The following SELENOO variants were observed in gnomAD, a reference collection of about 807,000 sequenced individuals.
The protein encoded by SELENOO is protein adenylyltransferase SelO, mitochondrial.
A neutral mutation model predicts 58.7 loss-of-function variants in SELENOO; 74 were observed. The observed-to-expected ratio is 1.26, with a 90% CI of 1.04 to 1.53. The LOEUF is 1.53. SELENOO is among the 40% of genes most tolerant of loss of function. The pLI is 0.00. For synonymous variants in SELENOO, 543 were observed against 453.2 expected, an observed-to-expected ratio of 1.20 and a Z score of -2.52; for missense variants, 1,149 against 970.0, an observed-to-expected ratio of 1.18 and a Z score of -2.45.
chr22:50,208,458 A>G (rs1259543126), intron 2 of SELENOO, 78 bp from the exon 3 acceptor site: 1 of 1,367,804 alleles, frequency 7.3e-7, no homozygotes, highest in East Asian at 2.4e-5. Flanking sequence ...AGCCACAACA[A>G]CGTCTTTTCC....
Position 50,201,332 on chromosome 22 carries a change from C to T in SELENOO, c.296C>T (p.Ser99Leu). The T allele has an allele frequency of 2.6e-6, 3 of 1,160,408 alleles. No individual in the cohort carries two copies. Among genetic ancestry groups the T allele is most frequent in the Non-Finnish European group, 1.1e-6 (1 of 944,232 alleles). 71.9% of individuals were successfully genotyped at this position (1,160,408 alleles called of 1,614,324 possible). The change falls in exon 1 of 9, where the codon TCA becomes TTA. Residue 99 changes from serine to leucine, a missense_variant. By Grantham distance (145) the Ser-to-Leu change is moderately radical. Transcript: ENST00000380903. ...PLRQPRLVAL[S>L]EPALALLGLG... ...CGGCAGCCGCGCCTCGTGGCGCTGT[C>T]AGAGCCCGCGCTGGCGTTGCTGGGC...
At position 50,216,709 on chromosome 22, in the gene SELENOO, G is replaced by A. The variant is rs756433093; in HGVS notation, c.1521G>A (p.Leu507=). 4 of 1,596,838 alleles carry A rather than the reference G, an allele frequency of 2.5e-6. No homozygotes were observed. Among genetic ancestry groups the A allele is most frequent in the African/African-American group, 1.3e-5 (1 of 74,692 alleles). Residue 507 remains leucine, a synonymous_variant, in exon 7 of 9, where the codon CTG becomes CTA. Coordinates refer to ENST00000380903, the MANE Select transcript of SELENOO (RefSeq NM_031454.2). The part of the protein sequence containing the change: ...QMDPRQLSMM[L]MLAQSNPQLF... ...TCCACAGGCAGCTATCCATGATGCT[G>A]ATGCTGGCGCAGTCAAACCCGCAGC... is the stretch of plus-strand genomic sequence containing the variant.
Position 50,217,286 on chromosome 22 carries a change from G to A in SELENOO, c.1927G>A (p.Asp643Asn), listed in dbSNP as rs745548963. ...CACAGACGCCGAGGCCACGGAAGCC[G>A]ACGGGGCGGACGGCAGGCAGCGCTC... Reference protein sequence around the residue: ...AATDAEATEADGADGRQRSYS... With the variant: ...AATDAEATEANGADGRQRSYS... The change falls in exon 9 of 9, where the codon GAC (aspartate) becomes AAC (asparagine). Residue 643 changes from aspartate (D) to asparagine (N), a missense_variant. Transcript: ENST00000380903. The A allele has an allele frequency of 1.2e-5, 19 of 1,612,490 alleles. No individual in the cohort carries two copies. Among genetic ancestry groups the A allele is most frequent in the African/African-American group, 1.1e-4 (8 of 74,916 alleles).
chr22:50,215,032 A>G (rs1044518254), intron 5 of SELENOO, among the ~76,000 whole-genome samples: 3 of 152,008 alleles, frequency 2.0e-5, no homozygotes, highest in African/African-American at 7.2e-5. Flanking sequence ...CTCCCTTGCT[A>G]CCTTTGTGTG....
chr22:50,206,679 G>C (rs2064335167), intron 2 of SELENOO, among the ~76,000 whole-genome samples, 159 bp downstream of exon 2: 1 of 152,332 alleles, frequency 6.6e-6, no homozygotes, highest in African/African-American at 2.4e-5. Flanking sequence ...GAAGCTGCCT[G>C]TCCGCGAAGT....
In SELENOO at chr22:50,210,233, G is replaced by A. The variant is rs1200627383; in HGVS notation, c.992G>A (p.Cys331Tyr). Reference protein sequence around the residue: ...MVAEWQCVGFCHGVLNTDNMS... With the variant: ...MVAEWQCVGFYHGVLNTDNMS... ...GCCGAGTGGCAGTGTGTGGGCTTCT[G>A]CCACGGCGTGCTCAACACCGACAAC... The change falls in exon 4 of 9, where the codon TGC becomes TAC. Residue 331 changes from cysteine to tyrosine, a missense_variant. Transcript: ENST00000380903. The A allele has an allele frequency of 6.2e-7, 1 of 1,613,430 alleles. No homozygotes were observed. Among genetic ancestry groups the A allele is most frequent in the East Asian group, 2.2e-5 (1 of 44,872 alleles).
chr22:50,217,161 AGG>A (rs548092332), intron 8 of SELENOO, 33 bp downstream of exon 8: 1 of 1,610,862 alleles, frequency 6.2e-7, no homozygotes, highest in Non-Finnish European at 8.5e-7. Context: ...GGTCCCTGGG[AGG>A]GGGGTCGGCC....
intron 1 of SELENOO, among the ~76,000 whole-genome samples, chr22:50,202,612 C>CT (rs1380990256): frequency 2.6e-5 from 4 of 151,814 alleles, no homozygotes; most frequent in Non-Finnish European, 5.9e-5. Flanking sequence ...TCATCTTAAA[C>CT]TTTATGTTTT....
Position 50,201,782 on chromosome 22 carries a change from C to T in SELENOO, c.554+192C>T, listed in dbSNP as rs1484049611. ...CCCGCCGAGGACCTTGGAGTCAGCTCCACCAGGGACGCCGCTCATGTTTAC... is the reference window on the plus strand; with the variant it reads ...CCCGCCGAGGACCTTGGAGTCAGCTTCACCAGGGACGCCGCTCATGTTTAC... On this transcript the variant is annotated intron_variant, in intron 1 of 8. Coordinates refer to ENST00000380903, the MANE Select transcript of SELENOO (RefSeq NM_031454.2). Among the ~76,000 whole-genome samples the T allele has an allele frequency of 7.7e-4, 118 of 152,266 alleles. 3 individuals are homozygous for T. The highest frequency in any genetic ancestry group is 7.7e-3 in the Admixed American group (117 of 15,290).
At position 50,210,757 on chromosome 22, in the gene SELENOO, G is replaced by A; in HGVS notation, c.1197G>A (p.Leu399=). 1.2e-6 allele frequency: 2 copies of A among 1,613,780 alleles called. No individual in the cohort carries two copies. The highest frequency in any genetic ancestry group is 8.5e-7 in the Non-Finnish European group (1 of 1,180,032). ...LAEALQPELP[L]ELGEAILAEE... Reference sequence around the variant, plus strand: ...AGGCCCTGCAGCCGGAACTGCCCCTGGAGCTGGGGGAGGCCATCCTGGCCG... The same window carrying A: ...AGGCCCTGCAGCCGGAACTGCCCCTAGAGCTGGGGGAGGCCATCCTGGCCG... Residue 399 remains leucine (L), a synonymous_variant, in exon 5 of 9, where the codon CTG becomes CTA. Transcript: ENST00000380903.
Position 50,217,316 on chromosome 22 carries a change from A to G in SELENOO, c.1957A>G (p.Ser653Gly), listed in dbSNP as rs1238594316. The change falls in exon 9 of 9, where the codon AGC (serine) becomes GGC (glycine). Residue 653 changes from serine to glycine, a missense_variant. Ser to Gly is a moderately conservative substitution (Grantham distance 56, BLOSUM62 0). Coordinates refer to ENST00000380903, the MANE Select transcript of SELENOO (RefSeq NM_031454.2). ...GGCGGACGGCAGGCAGCGCTCCTAC[A>G]GCAGTAAGCCCCCGCTCTGGGCAGC... is the stretch of plus-strand genomic sequence containing the variant. The part of the protein sequence containing the change: ...DGADGRQRSY[S>G]SKPPLWAAEL... 10 of 1,612,892 alleles carry G rather than the reference A, an allele frequency of 6.2e-6. No individual in the cohort carries two copies. Among genetic ancestry groups the G allele is most frequent in the Non-Finnish European group, 7.6e-6 (9 of 1,179,922 alleles).
Position 50,217,474 on chromosome 22 carries a change from T to C in SELENOO, c.*105T>C. On this transcript the variant is annotated 3_prime_UTR_variant, in exon 9 of 9. Coordinates refer to ENST00000380903, the MANE Select transcript of SELENOO (RefSeq NM_031454.2). Reference sequence around the variant, plus strand: ...CCCTATACACTGGGGGATTCTGCCCTGGCCCATGCACACCCGTCTTTCCAT... The same window carrying C: ...CCCTATACACTGGGGGATTCTGCCCCGGCCCATGCACACCCGTCTTTCCAT... The C allele has an allele frequency of 7.3e-7, 1 of 1,366,496 alleles. No individual in the cohort carries two copies. The highest frequency in any genetic ancestry group is 1.0e-6 in the Non-Finnish European group (1 of 999,172). 84.6% of individuals were successfully genotyped at this position (1,366,496 alleles called of 1,614,324 possible). A position where few individuals can be genotyped will look rare whatever the true frequency, so the allele number is the denominator to read the frequency against.
chr22:50,206,075 C>T (rs1022773291), intron 1 of SELENOO: 12 of 578,508 alleles, frequency 2.1e-5, no homozygotes, highest in African/African-American at 5.6e-5. Context: ...CGGGCTGCTG[C>T]GTGTGTTCAG....
At chr22:50,213,838 C>T (rs942399366) in intron 5 of SELENOO, among the ~76,000 whole-genome samples, 2 of 151,772 alleles carry the variant, frequency 1.3e-5, no homozygotes, top group South Asian at 2.1e-4. Context: ...TTAGTAGAGA[C>T]GGGGTTTCAC....
intron 3 of SELENOO, 107 bp downstream of exon 3, chr22:50,208,823 T>C: frequency 1.8e-6 from 2 of 1,092,524 alleles, no homozygotes; most frequent in East Asian, 2.5e-5. Flanking sequence ...TTACCCAGCC[T>C]CCCCGCCCTT....
At chr22:50,211,713 T>C (rs1488363781) in intron 5 of SELENOO, among the ~76,000 whole-genome samples, 1 of 152,256 alleles carries the variant, frequency 6.6e-6, no homozygotes, top group African/African-American at 2.4e-5. Context: ...TTATTTTTAA[T>C]ATTTTTTGAG....
At position 50,211,281 on chromosome 22, in the gene SELENOO, C is replaced by T. The variant is rs147582251; in HGVS notation, c.1351+370C>T. ...GTGTTCCTCTTCTGGCTGTTGCGTA[C>T]GGTGCACTGTGTGTTGTGTGCCGTG... is the stretch of plus-strand genomic sequence containing the variant. On this transcript the variant is annotated intron_variant, in intron 5 of 8. Coordinates refer to ENST00000380903, the MANE Select transcript of SELENOO (RefSeq NM_031454.2). Among the ~76,000 whole-genome samples, 538 of 152,248 alleles carry T rather than the reference C, an allele frequency of 3.5e-3. 4 individuals are homozygous for T. Among genetic ancestry groups the T allele is most frequent in the African/African-American group, 0.012 (518 of 41,538 alleles).
intron 1 of SELENOO, 68 bp downstream of exon 1, chr22:50,201,658 C>A: frequency 8.7e-7 from 1 of 1,151,280 alleles, no homozygotes; most frequent in East Asian, 3.4e-5. Context: ...CTCCGCCCGG[C>A]GCGGTGTTGG....
rs369873916 is a variant in SELENOO, at chr22:50,217,182, C to T, written c.1846-23C>T. ...TGGGAGGGGGGTCGGCCCCAGACCC[C>T]TCTCACCCTCCTGATCCTCCAGGTG... On this transcript the variant is annotated intron_variant, in intron 8 of 8. Coordinates refer to ENST00000380903, the MANE Select transcript of SELENOO (RefSeq NM_031454.2). 1.4e-5 allele frequency: 23 copies of T among 1,611,634 alleles called. No homozygotes were observed. The African/African-American group carries it at 2.8e-4, about 20-fold the overall frequency.
Sources: gnomAD v4.1 joint callset for allele counts (sites outside exome capture counted in the v4.1 genomes callset) on GRCh38, gnomAD v4.1.1 for gene constraint, MANE v1.5 for transcripts, NCBI Gene and HGNC (gene_info 2026-07-23, HGNC 2026-07-21) for gene names.